The following C1QTNF3 variants were observed in gnomAD, a reference collection of about 807,000 sequenced individuals.
The protein encoded by C1QTNF3 is complement C1q tumor necrosis factor-related protein 3.
C1QTNF3 carries 26 observed loss-of-function variants against 32.6 expected under a neutral mutation model. The ratio of observed to expected loss-of-function variants is 0.80; its 90% CI spans 0.58 to 1.11. The LOEUF is 1.11. C1QTNF3 is among the 50% of genes least tolerant of loss of function. The probability of loss-of-function intolerance (pLI) is 0.00; values close to 1 mark genes in which losing one functional copy is unlikely to be tolerated. For synonymous variants in C1QTNF3, 155 were observed against 146.0 expected (o/e 1.06, Z -0.44); for missense variants, 362 against 398.2 (o/e 0.91, Z 0.77).
At chr5:34,033,516 T>C (rs993898571) in intron 2 of C1QTNF3, 58 bp from the exon 3 acceptor site, 10 of 1,603,760 alleles carry the variant, frequency 6.2e-6, no homozygotes, top group Non-Finnish European at 8.5e-6. Flanking sequence ...TTACCATCCA[T>C]TTCTAGACAT....
the C1QTNF3 span, among the ~76,000 whole-genome samples, chr5:34,090,568 C>T: frequency 6.6e-6 from 1 of 152,036 alleles, no homozygotes; most frequent in Non-Finnish European, 1.5e-5. Flanking sequence ...ATTATGATTG[C>T]TCTTCTATTT....
chr5:34,084,194 T>A, the C1QTNF3 span, among the ~76,000 whole-genome samples: 1 of 151,762 alleles, frequency 6.6e-6, no homozygotes, highest in South Asian at 2.1e-4. Context: ...GAAAACAGTG[T>A]CTAATGGTGA....
intron 3 of C1QTNF3, chr5:34,029,106 ATTAT>A (rs1388991207): frequency 1.2e-5 from 4 of 321,008 alleles, no homozygotes; most frequent in African/African-American, 2.1e-5. Flanking sequence ...GGTTTCAAAG[ATTAT>A]TTGTCTTTCA....
chr5:34,087,913 T>C, the C1QTNF3 span, among the ~76,000 whole-genome samples: 1 of 152,226 alleles, frequency 6.6e-6, no homozygotes, highest in African/African-American at 2.4e-5. Context: ...GAAAAAGTAA[T>C]TGGCCCTCTA....
the C1QTNF3 span, chr5:34,165,614 T>C: frequency 5.3e-5 from 8 of 152,066 alleles, no homozygotes; most frequent in Non-Finnish European, 8.8e-5. Context: ...TTAAAAGATA[T>C]ATTTTTAAAT....
rs1344579828 is a variant in C1QTNF3, at chr5:34,043,160, G to C, written c.-35C>G. The C allele has an allele frequency of 3.2e-6, 5 of 1,586,750 alleles. No individual in the cohort carries two copies. The highest frequency in any genetic ancestry group is 1.7e-5 in the Admixed American group (1 of 58,314). Reference sequence around the variant, plus strand: ...CAGAGCCTCAGAGTCTCCCTGAGAAGACAGCAGAGCTCCAGGAGCGTGGTC... The same window carrying C: ...CAGAGCCTCAGAGTCTCCCTGAGAACACAGCAGAGCTCCAGGAGCGTGGTC... On this transcript the variant is annotated 5_prime_UTR_variant, in exon 1 of 6. Coordinates refer to ENST00000382065, the MANE Select transcript of C1QTNF3 (RefSeq NM_181435.6).
the C1QTNF3 span, among the ~76,000 whole-genome samples, chr5:34,097,087 C>T: frequency 6.6e-6 from 1 of 151,746 alleles, no homozygotes; most frequent in Non-Finnish European, 1.5e-5. Flanking sequence ...ATTAACTTGG[C>T]AATGTGTGAG....
chr5:34,050,775 G>A, the C1QTNF3 span, among the ~76,000 whole-genome samples: 1 of 152,134 alleles, frequency 6.6e-6, no homozygotes, highest in East Asian at 1.9e-4. Context: ...ACGCAGACAT[G>A]GCTTCTCTTC....
chr5:34,096,835 T>G, the C1QTNF3 span, among the ~76,000 whole-genome samples: 1 of 151,596 alleles, frequency 6.6e-6, no homozygotes, highest in Non-Finnish European at 1.5e-5. Flanking sequence ...CAAATACCAC[T>G]CTTTGTTATC....
chr5:34,103,512 T>G, the C1QTNF3 span, among the ~76,000 whole-genome samples: 3 of 149,196 alleles, frequency 2.0e-5, no homozygotes, highest in Non-Finnish European at 4.4e-5. Flanking sequence ...TGTCTTATCT[T>G]TGGTATAAAG....
chr5:34,178,161 A>G, the C1QTNF3 span, among the ~76,000 whole-genome samples: 1 of 150,444 alleles, frequency 6.6e-6, no homozygotes, highest in Non-Finnish European at 1.5e-5. Flanking sequence ...CATGCCTGTA[A>G]TCCAAGCTAC....
the C1QTNF3 span, chr5:34,167,130 T>C: frequency 8.5e-5 from 13 of 152,264 alleles, no homozygotes; most frequent in Admixed American, 8.5e-4. Context: ...TGTAAATATA[T>C]AATTTTCACG....
the C1QTNF3 span, among the ~76,000 whole-genome samples, chr5:34,195,013 G>A: frequency 1.3e-5 from 2 of 152,060 alleles, no homozygotes; most frequent in African/African-American, 4.8e-5. Flanking sequence ...AACAGATGTA[G>A]AACCCAGGAA....
At chr5:34,136,829 A>G in the C1QTNF3 span, among the ~76,000 whole-genome samples, 1 of 152,370 alleles carries the variant, frequency 6.6e-6, no homozygotes, top group South Asian at 2.1e-4. Flanking sequence ...ATAAAAAAGG[A>G]TGAGTTCATG....
At chr5:34,144,672 C>T in the C1QTNF3 span, among the ~76,000 whole-genome samples, 1 of 152,122 alleles carries the variant, frequency 6.6e-6, no homozygotes, top group African/African-American at 2.4e-5. Context: ...CAATTTACTC[C>T]TGAATAACTC....
chr5:34,027,139 C>T (rs1210524110), intron 4 of C1QTNF3, among the ~76,000 whole-genome samples: 1 of 152,200 alleles, frequency 6.6e-6, no homozygotes, highest in Non-Finnish European at 1.5e-5. Flanking sequence ...ATTTTCATAA[C>T]TCTCCTATAA....
chr5:34,054,814 T>C, the C1QTNF3 span, among the ~76,000 whole-genome samples: 1 of 152,224 alleles, frequency 6.6e-6, no homozygotes, highest in Non-Finnish European at 1.5e-5. Flanking sequence ...TCTACATCTG[T>C]CCATGTTTTT....
chr5:34,240,809 C>T, the C1QTNF3 span, among the ~76,000 whole-genome samples: 2 of 151,566 alleles, frequency 1.3e-5, no homozygotes, highest in African/African-American at 4.8e-5. Flanking sequence ...CTGGCAGAGA[C>T]GCAAAAAAAA....
At chr5:34,189,137 T>C in the C1QTNF3 span, among the ~76,000 whole-genome samples, 1 of 150,794 alleles carries the variant, frequency 6.6e-6, no homozygotes, top group Admixed American at 6.6e-5. Context: ...ACTCCTGATC[T>C]CGTGATCCGT....
Sources: gnomAD v4.1 joint callset for allele counts (sites outside exome capture counted in the v4.1 genomes callset) on GRCh38, gnomAD v4.1.1 for gene constraint, MANE v1.5 for transcripts, NCBI Gene and HGNC (gene_info 2026-07-23, HGNC 2026-07-21) for gene names.